Variants in CALM3 observed in about 807,000 individuals in gnomAD.
CALM3 encodes the protein calmodulin-3.
Under a neutral mutation model 20.1 loss-of-function variants are expected in CALM3, and 5 were observed. The observed-to-expected ratio is 0.25, with a 90% CI of 0.13 to 0.52. The LOEUF is 0.52. CALM3 is among the 20% of genes least tolerant of loss of function. The pLI is 0.96. For synonymous variants in CALM3, 69 were observed against 68.1 expected, an observed-to-expected ratio of 1.01 and a Z score of -0.06; for missense variants, 57 against 192.8, an observed-to-expected ratio of 0.30 and a Z score of 4.17.
chr19:46,601,129 A>G, upstream of CALM3: 1 of 733,172 alleles, frequency 1.4e-6, no homozygotes, highest in Non-Finnish European at 2.2e-6. The surrounding 1 kb of genome is among the most constrained non-coding windows in gnomAD (Gnocchi z 4.2). Flanking sequence ...CCCGGCGGCA[A>G]ACCCAATTCC....
Position 46,601,560 on chromosome 19 carries a change from C to A in CALM3, c.3+123C>A. On this transcript the variant is annotated intron_variant, in intron 1 of 5. Coordinates refer to ENST00000291295, the MANE Select transcript of CALM3 (RefSeq NM_005184.4). This position sits in a 1 kb window ranked among gnomAD's most constrained non-coding sequence, Gnocchi z 4.2. ...TCCGGGCCCGGCGAGAGCCTCGGGA[C>A]CCTTTTCTACCCGCGTTGTCGGGGG... The A allele has an allele frequency of 1.1e-6, 1 of 924,428 alleles. No individual in the cohort carries two copies. Among genetic ancestry groups the A allele is most frequent in the Non-Finnish European group, 1.5e-6 (1 of 678,980 alleles). The allele number at this position is 924,428 out of a possible 1,614,324, so 57.3% of individuals were successfully genotyped here.
chr19:46,602,304 A>T (rs1166145992), intron 1 of CALM3: 16 of 922,358 alleles, frequency 1.7e-5, no homozygotes, highest in Non-Finnish European at 2.0e-5. Flanking sequence ...TAGTGGGTTA[A>T]GACTGTTGCT....
rs1401365939 is a variant in CALM3, at chr19:46,609,326, C to T, written c.*173C>T. On this transcript the variant is annotated 3_prime_UTR_variant, in exon 6 of 6. Coordinates refer to ENST00000291295, the MANE Select transcript of CALM3 (RefSeq NM_005184.4). ...CCCAAGCTGCATGATTGCTCTTTCTCCTTCTTCCCTGAGTCTCTCTCCATG... is the reference window on the plus strand; with the variant it reads ...CCCAAGCTGCATGATTGCTCTTTCTTCTTCTTCCCTGAGTCTCTCTCCATG... 5 of 673,284 alleles carry T rather than the reference C, an allele frequency of 7.4e-6. No homozygotes were observed. In the Admixed American group the frequency reaches 1.1e-4, roughly 15 times the overall value. The allele number at this position is 673,284 out of a possible 1,614,324, so 41.7% of individuals were successfully genotyped here.
At position 46,601,455 on chromosome 19, in the gene CALM3, G is replaced by T. The variant is rs767873951; in HGVS notation, c.3+18G>T. On this transcript the variant is annotated intron_variant, in intron 1 of 5. Transcript: ENST00000291295. This position sits in a 1 kb window ranked among gnomAD's most constrained non-coding sequence, Gnocchi z 4.2. Reference sequence around the variant, plus strand: ...TCGCCATGGTGAGTGAGGCTGGGGGGTCGCCGAGGCTGCGGGCTCTGAGGC... The same window carrying T: ...TCGCCATGGTGAGTGAGGCTGGGGGTTCGCCGAGGCTGCGGGCTCTGAGGC... The T allele has an allele frequency of 1.1e-5, 17 of 1,493,292 alleles. No individual in the cohort carries two copies. The South Asian group carries it at 2.0e-4, about 17-fold the overall frequency. The allele number at this position is 1,493,292 out of a possible 1,614,324, so 92.5% of individuals were successfully genotyped here. A position where few individuals can be genotyped will look rare whatever the true frequency, so the allele number is the denominator to read the frequency against.
rs1971617340 is a variant in CALM3 at position 46,601,569 on chromosome 19, AC to A, written c.3+135del. 1.2e-6 allele frequency: 1 copy of A among 862,908 alleles called. No individual in the cohort carries two copies. Among genetic ancestry groups the A allele is most frequent in the Admixed American group, 4.0e-5 (1 of 25,310 alleles). 53.5% of individuals were successfully genotyped at this position (862,908 alleles called of 1,614,324 possible). The stretch of plus-strand genomic sequence containing the variant: ...GGCGAGAGCCTCGGGACCCTTTTCT[AC>A]CCGCGTTGTCGGGGGCTGTTGAACC... On this transcript the variant is annotated intron_variant, in intron 1 of 5. Coordinates refer to ENST00000291295, the MANE Select transcript of CALM3 (RefSeq NM_005184.4). The surrounding 1 kb of genome is among the most constrained non-coding windows in gnomAD (Gnocchi z 4.2).
chr19:46,609,363 TTCC>T lies in CALM3; in HGVS notation c.*212_*214del. ...AGTCTCTCTCCATGCCCCTCATCTCTTCCTTTTGCCCTCGCCTCTTCCATCCAT... is the reference window on the plus strand; with the variant it reads ...AGTCTCTCTCCATGCCCCTCATCTCTTTTTGCCCTCGCCTCTTCCATCCAT... On this transcript the variant is annotated 3_prime_UTR_variant, in exon 6 of 6. Transcript: ENST00000291295. 1.6e-6 allele frequency: 1 copy of T among 615,354 alleles called. No individual in the cohort carries two copies. 38.1% of individuals were successfully genotyped at this position (615,354 alleles called of 1,614,324 possible).
Position 46,608,438 on chromosome 19 carries a change from G to A in CALM3, c.179-44G>A, listed in dbSNP as rs1212075398. The A allele has an allele frequency of 1.9e-6, 3 of 1,608,398 alleles. No individual in the cohort carries two copies. The African/African-American group carries it at 4.0e-5, about 22-fold the overall frequency. ...GTGATGGATGAGCCCGTGTCTCTCA[G>A]GGCCCAGGCCAAGAGCATTCTCCAT... On this transcript the variant is annotated intron_variant, in intron 3 of 5. Coordinates refer to ENST00000291295, the MANE Select transcript of CALM3 (RefSeq NM_005184.4). This position sits in a 1 kb window ranked among gnomAD's most constrained non-coding sequence, Gnocchi z 5.5.
chr19:46,603,645 C>T (rs1218431782), intron 1 of CALM3, among the ~76,000 whole-genome samples: 1 of 152,172 alleles, frequency 6.6e-6, no homozygotes, highest in Non-Finnish European at 1.5e-5. Flanking sequence ...GTTTAGTCTT[C>T]AGGTCTAGAA....
chr19:46,610,652 G>C lies in CALM3; in HGVS notation c.*1499G>C, dbSNP rs1971865871. On this transcript the variant is annotated 3_prime_UTR_variant, in exon 6 of 6. Coordinates refer to ENST00000291295, the MANE Select transcript of CALM3 (RefSeq NM_005184.4). ...CAAGAGCTGAGGGTAAGGGCAGGTA[G>C]GCGTGAGGCTGTGGACATTTTCGGA... 1 of 152,676 alleles carries C rather than the reference G, an allele frequency of 6.5e-6. No individual in the cohort carries two copies. Among genetic ancestry groups the C allele is most frequent in the African/African-American group, 2.4e-5 (1 of 41,438 alleles). The allele number at this position is 152,676 out of a possible 1,614,324, so 9.5% of individuals were successfully genotyped here. A position where few individuals can be genotyped will look rare whatever the true frequency, so the allele number is the denominator to read the frequency against.
Position 46,608,150 on chromosome 19 carries a change from C to T in CALM3, c.35-47C>T, listed in dbSNP as rs1971782774. Reference sequence around the variant, plus strand: ...CATCCAGCATCCAGAGGTAAGGATTCTCCTGTGGACCTTGTGACCTCTGAC... The same window carrying T: ...CATCCAGCATCCAGAGGTAAGGATTTTCCTGTGGACCTTGTGACCTCTGAC... On this transcript the variant is annotated intron_variant, in intron 2 of 5. Transcript: ENST00000291295. The surrounding 1 kb of genome is among the most constrained non-coding windows in gnomAD (Gnocchi z 5.5). 1 of 1,587,552 alleles carries T rather than the reference C, an allele frequency of 6.3e-7. No individual in the cohort carries two copies. Among genetic ancestry groups the T allele is most frequent in the East Asian group, 2.2e-5 (1 of 44,758 alleles).
Position 46,609,196 on chromosome 19 carries a change from C to T in CALM3, c.*43C>T. The T allele has an allele frequency of 6.2e-7, 1 of 1,602,542 alleles. No homozygotes were observed. The highest frequency in any genetic ancestry group is 8.5e-7 in the Non-Finnish European group (1 of 1,171,380). ...GGCGATGCCCGTTCTCTTGATCTCT[C>T]TCTTCTCGCGCGCGCACTCTCTCTT... On this transcript the variant is annotated 3_prime_UTR_variant, in exon 6 of 6. Coordinates refer to ENST00000291295, the MANE Select transcript of CALM3 (RefSeq NM_005184.4).
At position 46,608,879 on chromosome 19, in the gene CALM3, C is replaced by T. The variant is rs1599759441; in HGVS notation, c.319C>T (p.Arg107Cys). 1 of 1,594,604 alleles carries T rather than the reference C, an allele frequency of 6.3e-7. No homozygotes were observed. The highest frequency in any genetic ancestry group is 8.5e-7 in the Non-Finnish European group (1 of 1,170,914). ...TGGCTACATCAGCGCCGCAGAGCTG[C>T]GTCACGTAATGACGAACCTGGGGGA... ...GNGYISAAEL[R>C]HVMTNLGEKL... The change falls in exon 5 of 6, where the codon CGT (arginine) becomes TGT (cysteine). Residue 107 changes from arginine to cysteine, a missense_variant. By Grantham distance (180) the Arg-to-Cys change is radical. Transcript: ENST00000291295. This position sits in a 1 kb window ranked among gnomAD's most constrained non-coding sequence, Gnocchi z 5.5.
chr19:46,609,196 C>G lies in CALM3; in HGVS notation c.*43C>G, dbSNP rs754643698. The stretch of plus-strand genomic sequence containing the variant: ...GGCGATGCCCGTTCTCTTGATCTCT[C>G]TCTTCTCGCGCGCGCACTCTCTCTT... On this transcript the variant is annotated 3_prime_UTR_variant, in exon 6 of 6. Transcript: ENST00000291295. The G allele has an allele frequency of 2.5e-6, 4 of 1,602,424 alleles. No homozygotes were observed. The African/African-American group carries it at 4.0e-5, about 16-fold the overall frequency.
chr19:46,604,998 G>T (rs1309177528), intron 1 of CALM3, among the ~76,000 whole-genome samples: 1 of 151,130 alleles, frequency 6.6e-6, no homozygotes, highest in Non-Finnish European at 1.5e-5. Flanking sequence ...AACCCCGCAT[G>T]CAGCAAGGGC....
At chr19:46,601,082 G>A, upstream of CALM3, 5 of 1,161,408 alleles carry the variant, frequency 4.3e-6, no homozygotes, top group East Asian at 2.6e-5. The surrounding 1 kb of genome is among the most constrained non-coding windows in gnomAD (Gnocchi z 4.2). Context: ...GCGCGGCGAG[G>A]GAAAGTAGTC....
chr19:46,603,845 T>C (rs764860119), intron 1 of CALM3, among the ~76,000 whole-genome samples: 1 of 152,210 alleles, frequency 6.6e-6, no homozygotes, highest in African/African-American at 2.4e-5. Flanking sequence ...GTGACAGAAC[T>C]GAACATGGCA....
intron 2 of CALM3, chr19:46,607,844 T>C (rs1480070097): frequency 2.5e-5 from 4 of 162,966 alleles, no homozygotes; most frequent in African/African-American, 7.3e-5. Flanking sequence ...TCCATGACTT[T>C]GGTTCATTTC....
rs2122212909 is a variant in CALM3, at chr19:46,601,706, C to T, written c.3+269C>T. Among the ~76,000 whole-genome samples, 1 of 152,306 alleles carries T rather than the reference C, an allele frequency of 6.6e-6. No individual in the cohort carries two copies. Among genetic ancestry groups the T allele is most frequent in the African/African-American group, 2.4e-5 (1 of 41,564 alleles). ...AGCCCCTAAAGGGGACATTTGAACCCCGGATGGAGGATCGGGACCCTCAGT... is the reference window on the plus strand; with the variant it reads ...AGCCCCTAAAGGGGACATTTGAACCTCGGATGGAGGATCGGGACCCTCAGT... On this transcript the variant is annotated intron_variant, in intron 1 of 5. Coordinates refer to ENST00000291295, the MANE Select transcript of CALM3 (RefSeq NM_005184.4). The surrounding 1 kb of genome is among the most constrained non-coding windows in gnomAD (Gnocchi z 4.2).
At chr19:46,606,610 A>G (rs1176395468) in intron 2 of CALM3, among the ~76,000 whole-genome samples, 1 of 152,158 alleles carries the variant, frequency 6.6e-6, no homozygotes, top group Non-Finnish European at 1.5e-5. Flanking sequence ...CCTAGAACGT[A>G]GTAGGTCCTC....
Sources: allele counts gnomAD v4.1 joint callset (sites outside exome capture counted in the v4.1 genomes callset), GRCh38; gene constraint gnomAD v4.1.1; non-coding constraint Gnocchi (gnomAD v3.1); transcripts MANE v1.5; gene names NCBI Gene and HGNC (gene_info 2026-07-23, HGNC 2026-07-21).